Variants in PLEKHG1 observed in about 807,000 individuals in gnomAD.
The protein encoded by PLEKHG1 is pleckstrin homology domain-containing family G member 1.
Under a neutral mutation model 100.8 loss-of-function variants are expected in PLEKHG1, and 44 were observed. That is an observed-to-expected ratio of 0.44 (90% CI 0.34 to 0.56). The LOEUF is 0.56. PLEKHG1 is among the 20% of genes least tolerant of loss of function. The pLI is 0.01. For missense variants in PLEKHG1, 1,545 were observed against 1,720.9 expected, an observed-to-expected ratio of 0.90 and a Z score of 1.81; for synonymous variants, 640 against 662.5, an observed-to-expected ratio of 0.97 and a Z score of 0.52.
chr6:150,771,372 G>A (rs1483760583), intron 3 of PLEKHG1, among the ~76,000 whole-genome samples: 3 of 151,860 alleles, frequency 2.0e-5, no homozygotes, highest in South Asian at 2.1e-4. Context: ...AGCCGAGATC[G>A]CGCCACTGCA....
intron 5 of PLEKHG1, among the ~76,000 whole-genome samples, chr6:150,798,638 A>G (rs973937668): frequency 3.9e-5 from 6 of 152,248 alleles, no homozygotes; most frequent in Admixed American, 3.3e-4. Context: ...ACTAAATGCA[A>G]TGGTGGAAGA....
chr6:150,728,902 A>G (rs538514897), intron 1 of PLEKHG1, among the ~76,000 whole-genome samples: 1 of 152,366 alleles, frequency 6.6e-6, no homozygotes, highest in Non-Finnish European at 1.5e-5. Flanking sequence ...GTCTCAAAAA[A>G]GAAAAAAAAG....
At chr6:150,631,557 T>C (rs1487816124) in intron 1 of PLEKHG1, among the ~76,000 whole-genome samples, 1 of 152,208 alleles carries the variant, frequency 6.6e-6, no homozygotes, top group Non-Finnish European at 1.5e-5. Flanking sequence ...TAGGTCAATA[T>C]GCTGGAAGTA....
chr6:150,688,658 T>C (rs1780232924), intron 3 of PLEKHG1, among the ~76,000 whole-genome samples: 4 of 152,172 alleles, frequency 2.6e-5, no homozygotes, highest in Admixed American at 2.6e-4. Flanking sequence ...TTCTCTCTTA[T>C]CTCATACTCT....
At chr6:150,690,283 A>C (rs1308408084) in intron 3 of PLEKHG1, among the ~76,000 whole-genome samples, 1 of 151,794 alleles carries the variant, frequency 6.6e-6, no homozygotes, top group Non-Finnish European at 1.5e-5. Context: ...TCTTTAGTGG[A>C]GATGTGTGGG....
At chr6:150,797,608 G>C (rs1449847474) in intron 5 of PLEKHG1, among the ~76,000 whole-genome samples, 5 of 151,690 alleles carry the variant, frequency 3.3e-5, no homozygotes, top group Non-Finnish European at 7.4e-5. Flanking sequence ...GCCAAGGCAG[G>C]CACATCACCT....
chr6:150,700,173 C>T lies in PLEKHG1; in HGVS notation c.-98-33411C>T, dbSNP rs9478786. ...CAGGGAGAGAAGGAGGCCAGGAGAC[C>T]CTGCCAGGCTGACCAGCCTCCCTCA... On this transcript the variant is annotated intron_variant, in intron 3 of 3. Transcript: ENST00000367326. Among the ~76,000 whole-genome samples, 1,455 of 152,246 alleles carry T rather than the reference C, an allele frequency of 9.6e-3. 22 individuals carry two copies. The highest frequency in any genetic ancestry group is 0.033 in the African/African-American group (1,362 of 41,544).
chr6:150,769,566 C>T (rs1583091353), intron 3 of PLEKHG1, among the ~76,000 whole-genome samples: 1 of 104,944 alleles, frequency 9.5e-6, no homozygotes, highest in South Asian at 3.0e-4. Context: ...GCCAGGGTGA[C>T]AGAGCAAGAC....
intron 4 of PLEKHG1, among the ~76,000 whole-genome samples, chr6:150,789,196 C>T (rs1785817179): frequency 6.6e-6 from 1 of 152,154 alleles, no homozygotes; most frequent in East Asian, 1.9e-4. Flanking sequence ...TATTTTGGCT[C>T]TTTCATAATT....
chr6:150,793,008 C>T (rs1380741242), intron 4 of PLEKHG1, among the ~76,000 whole-genome samples: 1 of 152,176 alleles, frequency 6.6e-6, no homozygotes, highest in African/African-American at 2.4e-5. Flanking sequence ...AATGGAAACT[C>T]ATTAAATAGG....
chr6:150,747,622 G>A (rs895648380), intron 2 of PLEKHG1, among the ~76,000 whole-genome samples: 2 of 150,332 alleles, frequency 1.3e-5, no homozygotes, highest in African/African-American at 2.4e-5. Context: ...GCCGGGCGTG[G>A]TGGCTCACAC....
Position 150,831,998 on chromosome 6 carries a change from G to A in PLEKHG1, c.2887G>A (p.Asp963Asn), listed in dbSNP as rs1413320801. The A allele has an allele frequency of 6.2e-7, 1 of 1,613,704 alleles. No individual in the cohort carries two copies. Among genetic ancestry groups the A allele is most frequent in the Non-Finnish European group, 8.5e-7 (1 of 1,179,832 alleles). Residue 963 changes from aspartate to asparagine, a missense_variant, in exon 15 of 16, where the codon GAC becomes AAC. Transcript: ENST00000358517. This position sits in a 1 kb window ranked among gnomAD's most constrained non-coding sequence, Gnocchi z 4.1. ...GTCTCAAACAGACCCAGAAAACCCT[G>A]ACCTGGGGATGGAGGCCACAGATAA...
chr6:150,727,319 G>C (rs6557094), intron 1 of PLEKHG1, among the ~76,000 whole-genome samples: 55,940 of 151,982 alleles, frequency 0.37, 10,634 homozygotes, highest in African/African-American at 0.46. Context: ...AGATGTCCCC[G>C]TTCTCCATGT....
At chr6:150,724,145 T>C (rs1260737428) in intron 1 of PLEKHG1, among the ~76,000 whole-genome samples, 1 of 152,250 alleles carries the variant, frequency 6.6e-6, no homozygotes, top group Non-Finnish European at 1.5e-5. Context: ...AGGGCACTGG[T>C]ATCCTTCTTA....
At chr6:150,797,447 G>A (rs1786411827) in intron 5 of PLEKHG1, among the ~76,000 whole-genome samples, 2 of 151,990 alleles carry the variant, frequency 1.3e-5, no homozygotes, top group Non-Finnish European at 2.9e-5. Context: ...GAGGCAGGAG[G>A]ATAGCTTGAG....
chr6:150,826,004 C>A (rs1447438712), intron 14 of PLEKHG1, among the ~76,000 whole-genome samples: 1 of 151,992 alleles, frequency 6.6e-6, no homozygotes, highest in Non-Finnish European at 1.5e-5. Context: ...CATGGTGAAA[C>A]CCTGTCTCTA....
At chr6:150,665,494 G>A (rs1964631) in intron 3 of PLEKHG1, among the ~76,000 whole-genome samples, 11,507 of 152,136 alleles carry the variant, frequency 0.076, 540 homozygotes, top group Non-Finnish European at 0.1. Context: ...GCTGGGCATG[G>A]TGGCACGTGC....
chr6:150,843,338 A>G (rs1272002906), exon 16 of PLEKHG1: 1 of 152,160 alleles, frequency 6.6e-6, no homozygotes, highest in African/African-American at 2.4e-5. Flanking sequence ...CAGGACACAG[A>G]TTTTGAGAGC....
chr6:150,776,855 C>G (rs1447143941), intron 3 of PLEKHG1, among the ~76,000 whole-genome samples: 1 of 151,822 alleles, frequency 6.6e-6, no homozygotes, highest in African/African-American at 2.4e-5. Flanking sequence ...ATCAGCCACA[C>G]TGATGCAATC....
Sources: allele counts gnomAD v4.1 joint callset (sites outside exome capture counted in the v4.1 genomes callset), GRCh38; gene constraint gnomAD v4.1.1; non-coding constraint Gnocchi (gnomAD v3.1); transcripts MANE v1.5; gene names NCBI Gene and HGNC (gene_info 2026-07-23, HGNC 2026-07-21).